RP1L1: variants seen among roughly 807,000 people sequenced by gnomAD.
RP1L1 encodes the protein retinitis pigmentosa 1-like 1 protein.
In RP1L1, 27 loss-of-function variants were observed where a neutral mutation model predicts 15.7. The observed-to-expected ratio is 1.72, with a 90% CI of 1.27 to 2.38. The LOEUF (loss-of-function observed/expected upper bound fraction) is 2.38, where lower values mean the gene tolerates loss of function less well. Ranked by LOEUF, RP1L1 falls within the 30% of genes most tolerant of loss-of-function variation. The pLI, the probability that RP1L1 is intolerant of heterozygous loss-of-function variation, is 0.00. For synonymous variants in RP1L1, 1,813 were observed against 1,276.7 expected (o/e 1.42, Z -8.96); for missense variants, 4,798 against 3,075.9 (o/e 1.56, Z -13.24).
intron 2 of RP1L1, among the ~76,000 whole-genome samples, chr8:10,619,177 G>T (rs529182945): frequency 3.9e-5 from 6 of 152,350 alleles, no homozygotes; most frequent in African/African-American, 1.4e-4. Flanking sequence ...GCCCAGTACT[G>T]CAGAGTTTAG....
intron 1 of RP1L1, among the ~76,000 whole-genome samples, chr8:10,623,667 A>C (rs1798111956): frequency 6.7e-6 from 1 of 149,614 alleles, no homozygotes; most frequent in African/African-American, 2.5e-5. Flanking sequence ...TCCCCAGCAA[A>C]GCCACATCTG....
chr8:10,626,305 G>T (rs536942912), intron 1 of RP1L1, among the ~76,000 whole-genome samples: 1 of 152,310 alleles, frequency 6.6e-6, no homozygotes, highest in African/African-American at 2.4e-5. Flanking sequence ...CTAGGCCCCA[G>T]AGGGCTGAGC....
chr8:10,608,252 T>C lies in RP1L1; in HGVS notation c.5846A>G (p.Glu1949Gly), dbSNP rs1797750522. The C allele has an allele frequency of 1.9e-6, 3 of 1,583,410 alleles. No homozygotes were observed. Among genetic ancestry groups the C allele is most frequent in the South Asian group, 2.2e-5 (2 of 89,712 alleles). The change falls in exon 4 of 4, where the codon GAG becomes GGG. Residue 1949 changes from glutamate to glycine, a missense_variant. Physicochemically the swap from Glu to Gly is moderately conservative, Grantham distance 98 (BLOSUM62 -2). Coordinates refer to ENST00000382483, the MANE Select transcript of RP1L1 (RefSeq NM_178857.6). ...EAQEAEEAAQ[E>G]AEGQTQPESE... ...CTCTGGCTGGGTCTGCCCTTCTGCC[T>C]CCTGGGCCGCCTCTTCTGCCTCTTG...
At chr8:10,631,291 A>ATG (rs1798240118) in intron 1 of RP1L1, among the ~76,000 whole-genome samples, 1 of 150,352 alleles carries the variant, frequency 6.7e-6, no homozygotes, top group Non-Finnish European at 1.5e-5. Context: ...ACACACACGC[A>ATG]CACAAACACG....
At position 10,608,047 on chromosome 8, in the gene RP1L1, C is replaced by CT. The variant is rs1203637696; in HGVS notation, c.6050dup (p.Pro2018AlafsTer15). 6 of 1,612,772 alleles carry CT rather than the reference C, an allele frequency of 3.7e-6. No homozygotes were observed. The African/African-American group carries it at 6.7e-5, about 18-fold the overall frequency. On this transcript the variant is annotated frameshift_variant, in exon 4 of 4. Transcript: ENST00000382483. LOFTEE classifies it low-confidence loss of function (END_TRUNC). The stretch of plus-strand genomic sequence containing the variant: ...GGGCCTCTACACCGTCTGACTCTGG[C>CT]TGGGCCTCCTCTTCTGCCTCTTGCA...
intron 1 of RP1L1, among the ~76,000 whole-genome samples, chr8:10,634,699 G>A (rs963243611): frequency 6.6e-6 from 1 of 152,192 alleles, no homozygotes; most frequent in Non-Finnish European, 1.5e-5. Flanking sequence ...CACAGGCCCA[G>A]GGACAGCTGC....
At position 10,622,951 on chromosome 8, in the gene RP1L1, G is replaced by C. The variant is rs1190690551; in HGVS notation, c.251C>G (p.Pro84Arg). The C allele has an allele frequency of 2.5e-6, 4 of 1,614,104 alleles. No homozygotes were observed. Among genetic ancestry groups the C allele is most frequent in the Non-Finnish European group, 2.5e-6 (3 of 1,180,006 alleles). ...LSFGVRSVTTPRGLHSLSALE... is the reference protein window; with the variant it reads ...LSFGVRSVTTRRGLHSLSALE... ...GGCGCTGAGGCTATGCAGGCCCCGG[G>C]GTGTGGTGACAGAGCGCACCCCAAA... is the stretch of plus-strand genomic sequence containing the variant. The change falls in exon 2 of 4, where the codon CCC becomes CGC. Residue 84 changes from proline to arginine, a missense_variant. Physicochemically the swap from Pro to Arg is moderately radical, Grantham distance 103. Coordinates refer to ENST00000382483, the MANE Select transcript of RP1L1 (RefSeq NM_178857.6).
chr8:10,610,817 T>A lies in RP1L1; in HGVS notation c.3281A>T (p.Gln1094Leu). The A allele has an allele frequency of 6.2e-7, 1 of 1,608,158 alleles. No individual in the cohort carries two copies. The highest frequency in any genetic ancestry group is 8.5e-7 in the Non-Finnish European group (1 of 1,176,432). ...QIMRALMGSK[Q>L]GRPSSVPEVS... ...TTCGGGCACGCTGCTGGGCCGGCCCTGCTTGGAGCCCATCAGCGCCCTCAT... is the reference window on the plus strand; with the variant it reads ...TTCGGGCACGCTGCTGGGCCGGCCCAGCTTGGAGCCCATCAGCGCCCTCAT... Residue 1094 changes from glutamine (Q) to leucine (L), a missense_variant, in exon 4 of 4, where the codon CAG becomes CTG. Transcript: ENST00000382483.
At chr8:10,613,474 A>T in intron 3 of RP1L1, 128 bp from the exon 4 acceptor site, 5 of 1,356,192 alleles carry the variant, frequency 3.7e-6, no homozygotes, top group Non-Finnish European at 5.1e-6. Context: ...TCCAAAATGC[A>T]CGGTGACAGC....
intron 1 of RP1L1, among the ~76,000 whole-genome samples, chr8:10,654,434 C>T (rs1350401249): frequency 2.0e-5 from 3 of 152,028 alleles, no homozygotes; most frequent in African/African-American, 7.3e-5. Context: ...AAGTCTCGGT[C>T]CTCTAAGAAG....
At chr8:10,630,285 G>A (rs1316785105) in intron 1 of RP1L1, among the ~76,000 whole-genome samples, 3 of 152,178 alleles carry the variant, frequency 2.0e-5, no homozygotes, top group African/African-American at 7.2e-5. Flanking sequence ...ATGGGCAGAG[G>A]CAAAGGCACA....
chr8:10,607,537 C>G lies in RP1L1; in HGVS notation c.6561G>C (p.Gly2187=), dbSNP rs553760287. The G allele has an allele frequency of 1.2e-6, 2 of 1,604,656 alleles. No individual in the cohort carries two copies. The highest frequency in any genetic ancestry group is 2.2e-5 in the East Asian group (1 of 44,658). Reference sequence around the variant, plus strand: ...TACCTTCTGACTCTGGCTGGGCCTCCCCTTCTGCCTCTGGGGCCTCTACAC... The same window carrying G: ...TACCTTCTGACTCTGGCTGGGCCTCGCCTTCTGCCTCTGGGGCCTCTACAC... ...LEGVEAPEAE[G]EAQPESEGIE... The change falls in exon 4 of 4, where the codon GGG becomes GGC. Residue 2187 remains glycine, a synonymous_variant. Coordinates refer to ENST00000382483, the MANE Select transcript of RP1L1 (RefSeq NM_178857.6).
chr8:10,606,668 C>T lies in RP1L1; in HGVS notation c.*227G>A, dbSNP rs1422400381. 5.1e-5 allele frequency: 34 copies of T among 669,222 alleles called. No individual in the cohort carries two copies. The highest frequency in any genetic ancestry group is 4.2e-5 in the Non-Finnish European group (17 of 409,046). The allele number at this position is 669,222 out of a possible 1,614,324, so 41.5% of individuals were successfully genotyped here. A position where few individuals can be genotyped will look rare whatever the true frequency, so the allele number is the denominator to read the frequency against. Reference sequence around the variant, plus strand: ...CGATAACCGGGCAGATCCGCAGACACCCCCTTTCTTCACACTGCGTGTGGG... The same window carrying T: ...CGATAACCGGGCAGATCCGCAGACATCCCCTTTCTTCACACTGCGTGTGGG... On this transcript the variant is annotated 3_prime_UTR_variant, in exon 4 of 4. Coordinates refer to ENST00000382483, the MANE Select transcript of RP1L1 (RefSeq NM_178857.6).
rs530294167 is a variant in RP1L1, at chr8:10,646,096, C to G, written c.-20+8802G>C. 1.2e-4 allele frequency among the ~76,000 whole-genome samples: 18 copies of G among 152,282 alleles called. No homozygotes were observed. In the East Asian group the frequency reaches 3.3e-3, roughly 28 times the overall value. ...TTAGAGTCTAAGCTGGGGGGACAGG[C>G]AAGAACCAGGCTGCACTGGGAAGGG... is the stretch of plus-strand genomic sequence containing the variant. On this transcript the variant is annotated intron_variant, in intron 1 of 3. Coordinates refer to ENST00000382483, the MANE Select transcript of RP1L1 (RefSeq NM_178857.6).
Position 10,612,104 on chromosome 8 carries a change from G to T in RP1L1, c.1994C>A (p.Pro665His). 1 of 1,613,818 alleles carries T rather than the reference G, an allele frequency of 6.2e-7. No individual in the cohort carries two copies. The highest frequency in any genetic ancestry group is 8.5e-7 in the Non-Finnish European group (1 of 1,180,040). Reference protein sequence around the residue: ...GLGRVAPRGHPRHSHYRKDTH... With the variant: ...GLGRVAPRGHHRHSHYRKDTH... ...GTCCTTGCGGTAGTGAGAATGCCTG[G>T]GATGGCCTCTCGGGGCCACTCGGCC... Residue 665 changes from proline to histidine, a missense_variant, in exon 4 of 4, where the codon CCC becomes CAC. Transcript: ENST00000382483.
At chr8:10,646,441 T>C (rs1798479236) in intron 1 of RP1L1, among the ~76,000 whole-genome samples, 1 of 152,194 alleles carries the variant, frequency 6.6e-6, no homozygotes. Context: ...TCCTAAATGC[T>C]AATGGGTCTT....
At position 10,635,196 on chromosome 8, in the gene RP1L1, G is replaced by A. The variant is rs187078641; in HGVS notation, c.-19-11976C>T. Among the ~76,000 whole-genome samples the A allele has an allele frequency of 1.5e-3, 226 of 152,266 alleles. 1 individual carries two copies. The highest frequency in any genetic ancestry group is 6.8e-3 in the Middle Eastern group (2 of 294). ...CTTGAGGAAGTCACTTTACCTCCCCGGGACCTGGCTTTCCCCTCTGGAAAC... is the reference window on the plus strand; with the variant it reads ...CTTGAGGAAGTCACTTTACCTCCCCAGGACCTGGCTTTCCCCTCTGGAAAC... On this transcript the variant is annotated intron_variant, in intron 1 of 3. Transcript: ENST00000382483.
In RP1L1 at chr8:10,611,161, G is replaced by T. The variant is rs1275228577; in HGVS notation, c.2937C>A (p.Thr979=). The T allele has an allele frequency of 1.9e-6, 3 of 1,612,934 alleles. No individual in the cohort carries two copies. Among genetic ancestry groups the T allele is most frequent in the Non-Finnish European group, 2.5e-6 (3 of 1,180,024 alleles). Reference sequence around the variant, plus strand: ...TCAGGCCACCCCCAGCTGCACCTGTGGTCTCGTCCGCCAACTCATATGTCA... The same window carrying T: ...TCAGGCCACCCCCAGCTGCACCTGTTGTCTCGTCCGCCAACTCATATGTCA... ...ILMTYELADE[T]TGAAGGGLRG... Residue 979 remains threonine (T), a synonymous_variant, in exon 4 of 4, where the codon ACC becomes ACA. Transcript: ENST00000382483.
chr8:10,634,956 T>A (rs1798307106), intron 1 of RP1L1, among the ~76,000 whole-genome samples: 1 of 152,178 alleles, frequency 6.6e-6, no homozygotes, highest in Non-Finnish European at 1.5e-5. Context: ...CAGAAATGCA[T>A]CCACCACAAC....
Sources: allele counts gnomAD v4.1 joint callset (sites outside exome capture counted in the v4.1 genomes callset), GRCh38; gene constraint gnomAD v4.1.1; transcripts MANE v1.5; gene names NCBI Gene and HGNC (gene_info 2026-07-23, HGNC 2026-07-21).